Variants in WWOX observed in about 807,000 individuals in gnomAD.
The protein encoded by WWOX is WW domain-containing oxidoreductase.
In WWOX, 69 loss-of-function variants were observed where a neutral mutation model predicts 46.2. The observed-to-expected ratio is 1.49, with a 90% CI of 1.23 to 1.82. WWOX has a LOEUF of 1.82. Among genes scored for constraint, WWOX ranks in the 40% most tolerant of loss-of-function variants. The pLI is 0.00. For missense variants in WWOX, 919 were observed against 542.6 expected, an observed-to-expected ratio of 1.69 and a Z score of -6.89; for synonymous variants, 359 against 202.6, an observed-to-expected ratio of 1.77 and a Z score of -6.56.
chr16:79,164,504 G>A (rs1188705542), intron 8 of WWOX, among the ~76,000 whole-genome samples: 1 of 152,114 alleles, frequency 6.6e-6, no homozygotes, highest in East Asian at 1.9e-4. Flanking sequence ...ATGGGGGGAG[G>A]CCACCAGGCA....
chr16:78,480,518 T>A (rs1453928759), intron 8 of WWOX, among the ~76,000 whole-genome samples: 8 of 152,230 alleles, frequency 5.3e-5, no homozygotes, highest in Non-Finnish European at 1.2e-4. Flanking sequence ...ATTTCACAGA[T>A]GAGGAAAGAG....
At chr16:78,246,843 GA>G (rs762128784) in intron 5 of WWOX, among the ~76,000 whole-genome samples, 16 of 151,992 alleles carry the variant, frequency 1.1e-4, no homozygotes, top group Non-Finnish European at 1.3e-4. Context: ...ATCAGCTGAT[GA>G]GGGGTATTTA....
At chr16:78,381,840 C>T (rs2081963021) in intron 5 of WWOX, among the ~76,000 whole-genome samples, 1 of 152,016 alleles carries the variant, frequency 6.6e-6, no homozygotes, top group African/African-American at 2.4e-5. Flanking sequence ...GGAAGGCTAG[C>T]AGTTTATTTT....
At chr16:78,891,909 G>A (rs905204567) in intron 8 of WWOX, 4 of 152,180 alleles carry the variant, frequency 2.6e-5, no homozygotes, top group African/African-American at 4.8e-5. Context: ...TTGGTTTTCC[G>A]GAGTTTGCTT....
At chr16:78,478,759 A>G (rs954856549) in intron 8 of WWOX, among the ~76,000 whole-genome samples, 2 of 152,200 alleles carry the variant, frequency 1.3e-5, no homozygotes, top group African/African-American at 4.8e-5. Context: ...GTGCTCAGCA[A>G]TCTAGCAGTT....
intron 6 of WWOX, among the ~76,000 whole-genome samples, chr16:78,406,304 AT>A (rs2082533803): frequency 6.7e-4 from 3 of 4,476 alleles, no homozygotes; most frequent in Admixed American, 3.2e-3. Context: ...ATAAATATAA[AT>A]ATATATATAT....
rs566306463 is a variant in WWOX at position 78,973,885 on chromosome 16, G to A, written c.1057-237723G>A. On this transcript the variant is annotated intron_variant, in intron 8 of 8. Coordinates refer to ENST00000566780, the MANE Select transcript of WWOX (RefSeq NM_016373.4). ...ACGGAAATTTCTATCTCCAACTAGG[G>A]AAAAATTTGCATGTGTAGAATTTTG... Among the ~76,000 whole-genome samples the A allele has an allele frequency of 2.6e-3, 396 of 152,294 alleles. 2 individuals carry two copies. The highest frequency in any genetic ancestry group is 3.8e-3 in the Non-Finnish European group (257 of 68,010).
At chr16:79,107,041 C>T (rs1330652803) in intron 8 of WWOX, among the ~76,000 whole-genome samples, 1 of 152,028 alleles carries the variant, frequency 6.6e-6, no homozygotes, top group African/African-American at 2.4e-5. Context: ...GATCTCCTGA[C>T]CTCAGGTGAT....
At chr16:78,398,967 G>A (rs1413512757) in intron 6 of WWOX, among the ~76,000 whole-genome samples, 1 of 152,058 alleles carries the variant, frequency 6.6e-6, no homozygotes, top group African/African-American at 2.4e-5. Context: ...CTGGCTAGGT[G>A]GATAGAAGGA....
chr16:78,731,582 C>CT (rs2048969774), intron 8 of WWOX, among the ~76,000 whole-genome samples: 1 of 151,730 alleles, frequency 6.6e-6, no homozygotes, highest in South Asian at 2.1e-4. Context: ...TTTATTTGGG[C>CT]TTTTTCGGTT....
intron 5 of WWOX, among the ~76,000 whole-genome samples, chr16:78,344,728 C>T (rs527975368): frequency 8.2e-6 from 1 of 122,046 alleles, no homozygotes; most frequent in Non-Finnish European, 2.0e-5. Flanking sequence ...AAGAATTCTC[C>T]ATTCCAACTT....
rs529787179 is a variant in WWOX, at chr16:78,877,120, T to G, written c.1057-334488T>G. ...TCAGTAAGGAAGAAGGTTTTGTATT[T>G]TGACAATTCCTTCATCTGTTAATTT... is the stretch of plus-strand genomic sequence containing the variant. On this transcript the variant is annotated intron_variant, in intron 8 of 8. Transcript: ENST00000566780. Among the ~76,000 whole-genome samples the G allele has an allele frequency of 2.0e-4, 30 of 152,304 alleles. 1 individual carries two copies. The highest frequency in any genetic ancestry group is 6.5e-5 in the Admixed American group (1 of 15,302).
intron 5 of WWOX, among the ~76,000 whole-genome samples, chr16:78,238,765 A>C (rs548475112): frequency 2.0e-5 from 3 of 151,770 alleles, no homozygotes; most frequent in Admixed American, 2.0e-4. Context: ...GATTACAGAC[A>C]TGTGCCACCA....
At chr16:78,579,337 CAGGG>C (rs1336632340) in intron 8 of WWOX, among the ~76,000 whole-genome samples, 1 of 152,052 alleles carries the variant, frequency 6.6e-6, no homozygotes, top group Non-Finnish European at 1.5e-5. Context: ...AAGAGTGAGA[CAGGG>C]AGGCAGGGCA....
chr16:78,318,339 G>T (rs567034464), intron 5 of WWOX, among the ~76,000 whole-genome samples: 4 of 144,004 alleles, frequency 2.8e-5, no homozygotes, highest in South Asian at 4.4e-4. Context: ...TGAGGGCAAT[G>T]GAGACAGGAA....
intron 8 of WWOX, among the ~76,000 whole-genome samples, chr16:78,507,355 G>C (rs1358440574): frequency 1.3e-5 from 2 of 152,120 alleles, no homozygotes; most frequent in South Asian, 2.1e-4. Flanking sequence ...ACTGACCCTT[G>C]GGATAAAAAT....
chr16:79,003,374 G>A (rs1310681700), intron 8 of WWOX, among the ~76,000 whole-genome samples: 1 of 152,140 alleles, frequency 6.6e-6, no homozygotes, highest in African/African-American at 2.4e-5. Flanking sequence ...AACATATATG[G>A]TTTCATTTCA....
At chr16:78,291,688 T>TA (rs1341099640) in intron 5 of WWOX, among the ~76,000 whole-genome samples, 1 of 152,146 alleles carries the variant, frequency 6.6e-6, no homozygotes, top group Non-Finnish European at 1.5e-5. Flanking sequence ...CTTGGCTTTT[T>TA]ATCAAAGTTA....
At chr16:78,915,415 G>A (rs1288101452) in intron 8 of WWOX, among the ~76,000 whole-genome samples, 3 of 152,118 alleles carry the variant, frequency 2.0e-5, no homozygotes, top group Non-Finnish European at 4.4e-5. Context: ...TACTCTACAG[G>A]GCAATCATAA....
Sources: gnomAD v4.1 joint callset for allele counts (sites outside exome capture counted in the v4.1 genomes callset) on GRCh38, gnomAD v4.1.1 for gene constraint, MANE v1.5 for transcripts, NCBI Gene and HGNC (gene_info 2026-07-23, HGNC 2026-07-21) for gene names.